Variants in KRT81 observed in about 807,000 individuals in gnomAD.
KRT81 encodes the protein keratin 81.
Under a neutral mutation model 35.8 loss-of-function variants are expected in KRT81, and 35 were observed. That is an observed-to-expected ratio of 0.98 (90% CI 0.75 to 1.30). The LOEUF (loss-of-function observed/expected upper bound fraction) is 1.30. Among genes scored for constraint, KRT81 ranks in the 50% most tolerant of loss-of-function variants. The probability of loss-of-function intolerance (pLI) is 0.00; values close to 1 mark genes in which losing one functional copy is unlikely to be tolerated. For missense variants in KRT81, 531 were observed against 577.4 expected (o/e 0.92, Z 0.82); for synonymous variants, 249 against 251.2 (o/e 0.99, Z 0.08).
chr12:52,286,956 A>G (rs1937961959), intron 7 of KRT81, 134 bp from the exon 8 acceptor site: 4 of 1,541,682 alleles, frequency 2.6e-6, no homozygotes, highest in Non-Finnish European at 3.6e-6. Flanking sequence ...CCTCAGACAA[A>G]CTCACACACC....
Position 52,287,158 on chromosome 12 carries a change from C to T in KRT81, c.1191G>A (p.Leu397=), listed in dbSNP as rs1374627460. Residue 397 remains leucine, a synonymous_variant, in exon 7 of 9, where the codon CTG becomes CTA. Transcript: ENST00000327741. ...REYQEVMNSK[L]GLDIEIATYR... is the part of the protein sequence containing the mutation. ...AGGTGGCGATCTCGATGTCCAGGCC[C>T]AGCTTGGAGTTCATCACCTCCTGGT... is the stretch of plus-strand genomic sequence containing the variant. The T allele has an allele frequency of 6.2e-7, 1 of 1,613,636 alleles. No individual in the cohort carries two copies. Among genetic ancestry groups the T allele is most frequent in the Non-Finnish European group, 8.5e-7 (1 of 1,180,026 alleles).
rs772284845 is a variant in KRT81, at chr12:52,287,640, T to G, written c.982A>C (p.Met328Leu). ...TKEEINELNR[M>L]IQRLTAEVEN... The stretch of plus-strand genomic sequence containing the variant: ...ACCTCGGCCGTCAGCCTTTGGATCA[T>G]GCGGTTCAGCTCATTGATCTCCTCC... Residue 328 changes from methionine to leucine, a missense_variant, in exon 6 of 9, where the codon ATG (methionine) becomes CTG (leucine). Physicochemically the swap from Met to Leu is conservative, Grantham distance 15. Coordinates refer to ENST00000327741, the MANE Select transcript of KRT81 (RefSeq NM_002281.4). The G allele has an allele frequency of 6.2e-7, 1 of 1,613,950 alleles. No individual in the cohort carries two copies. The highest frequency in any genetic ancestry group is 2.2e-5 in the East Asian group (1 of 44,864).
chr12:52,287,407 G>A, intron 6 of KRT81, 85 bp from the exon 7 acceptor site: 1 of 1,581,882 alleles, frequency 6.3e-7, no homozygotes, highest in Non-Finnish European at 8.6e-7. Context: ...TCCCCACCAA[G>A]CTGGGAGCAC....
chr12:52,288,803 T>G (rs1340927353), intron 3 of KRT81, among the ~76,000 whole-genome samples: 1 of 152,122 alleles, frequency 6.6e-6, no homozygotes, highest in East Asian at 1.9e-4. Context: ...GCCCAGTGGC[T>G]GCTCCTGGTT....
In KRT81 at chr12:52,287,613, C is replaced by T; in HGVS notation, c.1009G>A (p.Glu337Lys). ...CCCCATACCTGGCACTTGGCATTCT[C>T]CACCTCGGCCGTCAGCCTTTGGATC... ...RMIQRLTAEV[E>K]NAKCQNSKLE... is the part of the protein sequence containing the mutation. Residue 337 changes from glutamate to lysine, a missense_variant, in exon 6 of 9, where the codon GAG becomes AAG. Physicochemically the swap from Glu to Lys is moderately conservative, Grantham distance 56. Transcript: ENST00000327741. 1 of 1,613,956 alleles carries T rather than the reference C, an allele frequency of 6.2e-7. No homozygotes were observed. The highest frequency in any genetic ancestry group is 8.5e-7 in the Non-Finnish European group (1 of 1,179,854).
chr12:52,288,108 A>G lies in KRT81; in HGVS notation c.776T>C (p.Val259Ala). 6.2e-7 allele frequency: 1 copy of G among 1,614,148 alleles called. No individual in the cohort carries two copies. The highest frequency in any genetic ancestry group is 8.5e-7 in the Non-Finnish European group (1 of 1,180,006). ...CCGGCTGTTGTCCAGCTTGACAACC[A>G]CGGAGGTGTCTGAGATGTGCGACTG... is the stretch of plus-strand genomic sequence containing the variant. Reference protein sequence around the residue: ...ILQSHISDTSVVVKLDNSRDL... With the variant: ...ILQSHISDTSAVVKLDNSRDL... The change falls in exon 5 of 9, where the codon GTG becomes GCG. Residue 259 changes from valine to alanine, a missense_variant. Physicochemically the swap from Val to Ala is moderately conservative, Grantham distance 64. This residue lies in a region of KRT81 where 194 missense variants were observed against 198.2 expected (regional missense o/e 0.98). Coordinates refer to ENST00000327741, the MANE Select transcript of KRT81 (RefSeq NM_002281.4).
At position 52,291,507 on chromosome 12, in the gene KRT81, A is replaced by G; in HGVS notation, c.-42T>C. Reference sequence around the variant, plus strand: ...TGGGTTGCAGAGGACAGGATAGGGGACCTGGAGTCCTGATGGAAACTCCAA... The same window carrying G: ...TGGGTTGCAGAGGACAGGATAGGGGGCCTGGAGTCCTGATGGAAACTCCAA... On this transcript the variant is annotated 5_prime_UTR_variant, in exon 1 of 9. Coordinates refer to ENST00000327741, the MANE Select transcript of KRT81 (RefSeq NM_002281.4). The G allele has an allele frequency of 6.2e-7, 1 of 1,608,134 alleles. No homozygotes were observed. The highest frequency in any genetic ancestry group is 8.5e-7 in the Non-Finnish European group (1 of 1,176,820).
At position 52,291,145 on chromosome 12, in the gene KRT81, C is replaced by T; in HGVS notation, c.321G>A (p.Lys107=). 5 of 1,048,398 alleles carry T rather than the reference C, an allele frequency of 4.8e-6. No individual in the cohort carries two copies. Among genetic ancestry groups the T allele is most frequent in the Non-Finnish European group, 6.6e-6 (5 of 753,120 alleles). 64.9% of individuals were successfully genotyped at this position (1,048,398 alleles called of 1,614,324 possible). ...TGCTGTTGAGGGACTTGATCTGCTCCTTCTCCTCCTGCTTCACGCACTGCG... is the reference window on the plus strand; with the variant it reads ...TGCTGTTGAGGGACTTGATCTGCTCTTTCTCCTCCTGCTTCACGCACTGCG... ...PNAQCVKQEE[K]EQIKSLNSRF... is the part of the protein sequence containing the mutation. Residue 107 remains lysine (K), a synonymous_variant, in exon 1 of 9, where the codon AAG becomes AAA. Coordinates refer to ENST00000327741, the MANE Select transcript of KRT81 (RefSeq NM_002281.4).
chr12:52,288,340 G>C (rs772908046), intron 4 of KRT81, 21 bp downstream of exon 4: 5 of 1,613,528 alleles, frequency 3.1e-6, no homozygotes, highest in Admixed American at 1.7e-5. Context: ...CCAGGTTTCT[G>C]TCTGGCCCCT....
intron 3 of KRT81, among the ~76,000 whole-genome samples, chr12:52,288,942 A>C (rs1350389981): frequency 2.6e-4 from 38 of 144,508 alleles, no homozygotes; most frequent in Middle Eastern, 6.8e-3. Flanking sequence ...GGGCCTCAGC[A>C]ATAGACCACA....
At chr12:52,286,864 A>C in intron 7 of KRT81, 42 bp from the exon 8 acceptor site, 1 of 1,611,036 alleles carries the variant, frequency 6.2e-7, no homozygotes, top group Non-Finnish European at 8.5e-7. Context: ...TGACTGCCCC[A>C]GAGTGGCTGA....
rs1269325866 is a variant in KRT81 at position 52,291,317 on chromosome 12, A to G, written c.149T>C (p.Val50Ala). The stretch of plus-strand genomic sequence containing the variant: ...GGAGCCGGCCCGAAAGCCTCCGCAC[A>G]CGCTGTGGCTGCCGAAGCCCCCGGT... ...GLTGGFGSHS[V>A]CGGFRAGSCG... The change falls in exon 1 of 9, where the codon GTG (valine) becomes GCG (alanine). Residue 50 changes from valine (V) to alanine (A), a missense_variant. Physicochemically the swap from Val to Ala is moderately conservative, Grantham distance 64. Around this residue, in one of 5 missense-constraint regions of KRT81, gnomAD observed 133 missense variants for 125.9 expected, o/e 1.06. Transcript: ENST00000327741. 1.4e-5 allele frequency: 22 copies of G among 1,550,730 alleles called. 1 individual carries two copies. The South Asian group carries it at 2.1e-4, about 15-fold the overall frequency.
At chr12:52,288,585 C>A (rs929907558) in intron 3 of KRT81, 129 bp from the exon 4 acceptor site, 2 of 1,115,140 alleles carry the variant, frequency 1.8e-6, no homozygotes, top group Non-Finnish European at 2.8e-6. Flanking sequence ...TGCCTTTCCT[C>A]CCCTTCTGCC....
rs1191388953 is a variant in KRT81 at position 52,287,664 on chromosome 12, C to T, written c.958G>A (p.Glu320Lys). 8.1e-6 allele frequency: 13 copies of T among 1,613,828 alleles called. No homozygotes were observed. The highest frequency in any genetic ancestry group is 1.1e-5 in the Non-Finnish European group (13 of 1,179,886). The part of the protein sequence containing the change: ...RHGETLRRTK[E>K]EINELNRMIQ... ...ATGCGGTTCAGCTCATTGATCTCCTCCTTGGTGCGGCGCAGGGTCTCCCCG... is the reference window on the plus strand; with the variant it reads ...ATGCGGTTCAGCTCATTGATCTCCTTCTTGGTGCGGCGCAGGGTCTCCCCG... The change falls in exon 6 of 9, where the codon GAG becomes AAG. Residue 320 changes from glutamate (E) to lysine (K), a missense_variant. Glu to Lys is a moderately conservative substitution (Grantham distance 56). Transcript: ENST00000327741.
At chr12:52,287,478 C>T in intron 6 of KRT81, 118 bp downstream of exon 6, 2 of 1,597,564 alleles carry the variant, frequency 1.3e-6, no homozygotes, top group East Asian at 2.2e-5. Context: ...CGACCAGGGA[C>T]TCTACATGGA....
In KRT81 at chr12:52,291,524, A is replaced by T; in HGVS notation, c.-59T>A. 1.2e-6 allele frequency: 2 copies of T among 1,602,520 alleles called. No homozygotes were observed. The highest frequency in any genetic ancestry group is 1.7e-5 in the Admixed American group (1 of 58,904). On this transcript the variant is annotated 5_prime_UTR_variant, in exon 1 of 9. Transcript: ENST00000327741. The stretch of plus-strand genomic sequence containing the variant: ...GATAGGGGACCTGGAGTCCTGATGG[A>T]AACTCCAATGTGCTCCTCAGGGCAC...
At chr12:52,288,254 C>T (rs1938024672) in intron 4 of KRT81, 106 bp from the exon 5 acceptor site, 1 of 1,600,920 alleles carries the variant, frequency 6.2e-7, no homozygotes, top group African/African-American at 1.3e-5. Context: ...TGCCCCCTCA[C>T]ACAGCCTCAG....
rs1486643426 is a variant in KRT81, at chr12:52,288,125, G to A, written c.759C>T (p.His253=). The A allele has an allele frequency of 6.2e-7, 1 of 1,614,012 alleles. No homozygotes were observed. Residue 253 remains histidine, a synonymous_variant, in exon 5 of 9, where the codon CAC becomes CAT. Coordinates refer to ENST00000327741, the MANE Select transcript of KRT81 (RefSeq NM_002281.4). ...YEEEILILQS[H]ISDTSVVVKL... Reference sequence around the variant, plus strand: ...TGACAACCACGGAGGTGTCTGAGATGTGCGACTGGAGAATGAGGATCTCCT... The same window carrying A: ...TGACAACCACGGAGGTGTCTGAGATATGCGACTGGAGAATGAGGATCTCCT...
rs1045067182 is a variant in KRT81, at chr12:52,286,427, G to A, written c.1346C>T (p.Thr449Ile). Reference protein sequence around the residue: ...DLCVSGSRPVTGSVCSAPCNG... With the variant: ...DLCVSGSRPVIGSVCSAPCNG... ...GCACGGAGCGCTGCAGACACTGCCA[G>A]TCACTGGCCGGGAGCCTGACACGCA... The change falls in exon 9 of 9, where the codon ACT (threonine) becomes ATT (isoleucine). Residue 449 changes from threonine (T) to isoleucine (I), a missense_variant. Thr to Ile is a moderately conservative substitution (Grantham distance 89). Around this residue, in one of 5 missense-constraint regions of KRT81, gnomAD observed 150 missense variants for 145.4 expected, o/e 1.03. Coordinates refer to ENST00000327741, the MANE Select transcript of KRT81 (RefSeq NM_002281.4). 3 of 1,553,064 alleles carry A rather than the reference G, an allele frequency of 1.9e-6. No homozygotes were observed. The African/African-American group carries it at 4.1e-5, about 21-fold the overall frequency.
Sources: gnomAD v4.1 joint callset for allele counts (sites outside exome capture counted in the v4.1 genomes callset) on GRCh38, gnomAD v4.1.1 for gene constraint, gnomAD v4.1.1 regional missense constraint, MANE v1.5 for transcripts, NCBI Gene and HGNC (gene_info 2026-07-23, HGNC 2026-07-21) for gene names.